The following SLC17A1 variants were observed in gnomAD, a reference collection of about 807,000 sequenced individuals.
The protein encoded by SLC17A1 is sodium-dependent phosphate transport protein 1.
SLC17A1 carries 51 observed loss-of-function variants against 53.5 expected under a neutral mutation model. The ratio of observed to expected loss-of-function variants is 0.95; its 90% CI spans 0.76 to 1.20. The LOEUF (loss-of-function observed/expected upper bound fraction) is 1.20. Ranked by LOEUF, SLC17A1 falls within the 50% of genes most tolerant of loss-of-function variation. The probability of loss-of-function intolerance (pLI) is 0.00; values close to 1 mark genes in which losing one functional copy is unlikely to be tolerated. For missense variants in SLC17A1, 538 were observed against 568.2 expected (o/e 0.95, Z 0.54); for synonymous variants, 179 against 198.8 (o/e 0.90, Z 0.84).
At chr6:25,819,978 G>A (rs879432492) in intron 3 of SLC17A1, 63 bp from the exon 4 acceptor site, 9 of 1,133,046 alleles carry the variant, frequency 7.9e-6, no homozygotes, top group African/African-American at 3.1e-5. Flanking sequence ...GTGACATTTA[G>A]GGATTCAGGG....
At chr6:25,759,575 G>A in the SLC17A1 span, among the ~76,000 whole-genome samples, 2 of 152,246 alleles carry the variant, frequency 1.3e-5, no homozygotes, top group Non-Finnish European at 2.9e-5. Context: ...AACTGCTGTT[G>A]CTTATAAGTT....
intron 10 of SLC17A1, among the ~76,000 whole-genome samples, chr6:25,811,137 G>A (rs1764139974): frequency 6.6e-6 from 1 of 151,994 alleles, no homozygotes. Context: ...TATATATGAG[G>A]AATAAGCTTA....
chr6:25,746,836 A>T, the SLC17A1 span, among the ~76,000 whole-genome samples: 1 of 152,136 alleles, frequency 6.6e-6, no homozygotes, highest in Non-Finnish European at 1.5e-5. Context: ...CCAATGAAAA[A>T]CAATATGGCA....
intron 10 of SLC17A1, 87 bp from the exon 11 acceptor site, chr6:25,801,067 T>G: frequency 1.3e-6 from 1 of 767,910 alleles, no homozygotes; most frequent in Non-Finnish European, 2.2e-6. Flanking sequence ...TTAAGAGAGA[T>G]AATTGCTCAT....
intron 2 of SLC17A1, among the ~76,000 whole-genome samples, chr6:25,827,062 A>T (rs184995037): frequency 1.1e-3 from 173 of 152,282 alleles, no homozygotes; most frequent in African/African-American, 3.0e-3. Flanking sequence ...ATGGCATTTT[A>T]AAAAAATGTA....
At chr6:25,779,041 T>A (rs1444308112), downstream of SLC17A1, 1 of 1,613,470 alleles carries the variant, frequency 6.2e-7, no homozygotes, top group Non-Finnish European at 8.5e-7. Flanking sequence ...AACTTGTAAT[T>A]TTCTGCCTCC....
the SLC17A1 span, among the ~76,000 whole-genome samples, chr6:25,740,382 CA>C: frequency 1.1e-4 from 16 of 140,776 alleles, no homozygotes; most frequent in African/African-American, 3.9e-4. Flanking sequence ...TCTACAAAGT[CA>C]TTTTTTTTTA....
intron 3 of SLC17A1, 79 bp from the exon 4 acceptor site, chr6:25,819,994 G>T: frequency 1.0e-6 from 1 of 959,986 alleles, no homozygotes; most frequent in Non-Finnish European, 1.6e-6. Flanking sequence ...CAGGGAAACT[G>T]TTCTGGCTCA....
At chr6:25,794,735 G>C (rs1763570151) in intron 12 of SLC17A1, among the ~76,000 whole-genome samples, 1 of 152,166 alleles carries the variant, frequency 6.6e-6, no homozygotes, top group African/African-American at 2.4e-5. Flanking sequence ...AGCAGTTCCA[G>C]GGCTGCGAAG....
intron 10 of SLC17A1, among the ~76,000 whole-genome samples, chr6:25,808,884 T>C (rs954011563): frequency 1.3e-5 from 2 of 152,142 alleles, no homozygotes; most frequent in South Asian, 4.1e-4. Context: ...CATTAGATCC[T>C]GCAATTCTGT....
chr6:25,745,468 C>T, the SLC17A1 span, among the ~76,000 whole-genome samples: 36 of 152,208 alleles, frequency 2.4e-4, no homozygotes, highest in East Asian at 1.9e-3. Flanking sequence ...AAACGAAATA[C>T]GTGTATGGAG....
chr6:25,750,666 G>A, the SLC17A1 span, among the ~76,000 whole-genome samples: 3 of 142,446 alleles, frequency 2.1e-5, no homozygotes, highest in African/African-American at 7.6e-5. Flanking sequence ...AGAGAAAGGA[G>A]GGAAGGAGAA....
the SLC17A1 span, chr6:25,732,352 C>T: frequency 3.8e-6 from 1 of 262,230 alleles, no homozygotes; most frequent in Non-Finnish European, 7.4e-6. Flanking sequence ...GCCAATCAAT[C>T]AGATAATCCA....
At chr6:25,726,733 G>C in the SLC17A1 span, 4 of 1,081,194 alleles carry the variant, frequency 3.7e-6, no homozygotes, top group Non-Finnish European at 4.0e-6. Flanking sequence ...CGCGGCGTTT[G>C]AGGGCCGTGC....
At chr6:25,797,280 T>A (rs550051983) in intron 12 of SLC17A1, among the ~76,000 whole-genome samples, 1 of 152,336 alleles carries the variant, frequency 6.6e-6, no homozygotes. Flanking sequence ...TCTTGATTTC[T>A]CTTTTCATAC....
At chr6:25,726,936 A>G in the SLC17A1 span, 44 of 1,613,814 alleles carry the variant, frequency 2.7e-5, 1 homozygote, top group South Asian at 4.5e-4. Context: ...TAAAGGTGCT[A>G]CCATTTCCAA....
At chr6:25,770,257 T>C in the SLC17A1 span, 5 of 1,613,934 alleles carry the variant, frequency 3.1e-6, no homozygotes, top group Non-Finnish European at 4.2e-6. Flanking sequence ...AATGCGGGAG[T>C]GGCCTTGCTC....
chr6:25,761,881 A>G, the SLC17A1 span: 4 of 1,138,192 alleles, frequency 3.5e-6, no homozygotes, highest in Non-Finnish European at 5.2e-6. Context: ...GGGTAATATC[A>G]TATAAGATTC....
At chr6:25,819,438 T>A in intron 5 of SLC17A1, 73 bp downstream of exon 5, 1 of 1,235,242 alleles carries the variant, frequency 8.1e-7, no homozygotes, top group South Asian at 1.3e-5. Context: ...ACACATTTCT[T>A]ATGGCTCTAG....
Sources: gnomAD v4.1 joint callset for allele counts (sites outside exome capture counted in the v4.1 genomes callset) on GRCh38, gnomAD v4.1.1 for gene constraint, MANE v1.5 for transcripts, NCBI Gene and HGNC (gene_info 2026-07-23, HGNC 2026-07-21) for gene names.